The following MAGI2 variants were observed in gnomAD, a reference collection of about 807,000 sequenced individuals.
MAGI2 encodes the protein membrane associated guanylate kinase, WW and PDZ domain containing 2, also known as membrane-associated guanylate kinase, WW and PDZ domain-containing protein 2.
A neutral mutation model predicts 133.3 loss-of-function variants in MAGI2; 35 were observed. The observed-to-expected ratio is 0.26, with a 90% CI of 0.20 to 0.35. The LOEUF is 0.35. Among genes scored for constraint, MAGI2 ranks in the 10% least tolerant of loss-of-function variants. The pLI is 1.00. For missense variants in MAGI2, 1,636 were observed against 1,863.4 expected, an observed-to-expected ratio of 0.88 and a Z score of 2.25; for synonymous variants, 729 against 710.6, an observed-to-expected ratio of 1.03 and a Z score of -0.41.
intron 2 of MAGI2, among the ~76,000 whole-genome samples, chr7:78,678,569 AT>A (rs2151089485): frequency 6.6e-6 from 1 of 152,208 alleles, no homozygotes; most frequent in East Asian, 1.9e-4. Context: ...TGGTCATTTA[AT>A]TCCTTTAGTA....
At chr7:78,901,946 A>C (rs759397336) in intron 2 of MAGI2, among the ~76,000 whole-genome samples, 145 of 152,180 alleles carry the variant, frequency 9.5e-4, no homozygotes, top group Non-Finnish European at 1.7e-3. Context: ...AATTTCTTTT[A>C]CATCCCAGCA....
chr7:78,746,250 G>C (rs537491236), intron 2 of MAGI2, among the ~76,000 whole-genome samples: 6 of 152,280 alleles, frequency 3.9e-5, no homozygotes, highest in Admixed American at 3.9e-4. Flanking sequence ...CAGCTCTCAG[G>C]CAGAAACTGA....
chr7:79,180,072 A>C (rs1054782778), intron 1 of MAGI2, among the ~76,000 whole-genome samples: 1 of 152,032 alleles, frequency 6.6e-6, no homozygotes, highest in African/African-American at 2.4e-5. Context: ...CAACAGATGA[A>C]AGACAAATAG....
chr7:79,235,108 G>T (rs1045891538), intron 1 of MAGI2, among the ~76,000 whole-genome samples: 1 of 151,624 alleles, frequency 6.6e-6, no homozygotes, highest in Admixed American at 6.6e-5. Flanking sequence ...GGCTGCTCGG[G>T]GGTCAGGGGT....
chr7:79,133,682 T>G (rs926376494), intron 1 of MAGI2, among the ~76,000 whole-genome samples: 13 of 152,202 alleles, frequency 8.5e-5, no homozygotes, highest in Middle Eastern at 3.2e-3. Flanking sequence ...TATCCCATAA[T>G]ATAATACCAA....
chr7:79,391,508 C>CATATATAT lies in MAGI2; in HGVS notation c.301+61504_301+61511dup, dbSNP rs1286692402. On this transcript the variant is annotated intron_variant, in intron 1 of 21. Coordinates refer to ENST00000354212, the MANE Select transcript of MAGI2 (RefSeq NM_012301.4). The stretch of plus-strand genomic sequence containing the variant: ...TTTAACATATATATATATATATAGA[C>CATATATAT]ATATATATATATATATATATATATA... Among the ~76,000 whole-genome samples, 298 of 69,112 alleles carry CATATATAT rather than the reference C, an allele frequency of 4.3e-3. 1 individual carries two copies. Among genetic ancestry groups the CATATATAT allele is most frequent in the South Asian group, 7.4e-3 (14 of 1,904 alleles). 45.3% of individuals were successfully genotyped at this position (69,112 alleles called of 152,430 possible). A position where few individuals can be genotyped will look rare whatever the true frequency, so the allele number is the denominator to read the frequency against.
chr7:78,563,985 TA>T (rs1036207434), intron 3 of MAGI2, among the ~76,000 whole-genome samples: 4 of 152,204 alleles, frequency 2.6e-5, no homozygotes, highest in African/African-American at 7.2e-5. Context: ...TTTGAATAGG[TA>T]TTTTTTTTAA....
intron 1 of MAGI2, among the ~76,000 whole-genome samples, chr7:79,373,836 T>C (rs1468659780): frequency 6.6e-6 from 1 of 152,086 alleles, no homozygotes; most frequent in Non-Finnish European, 1.5e-5. Flanking sequence ...GAATTGACTA[T>C]GACCTAAAAA....
chr7:78,773,354 G>T (rs1466473012), intron 2 of MAGI2, among the ~76,000 whole-genome samples: 1 of 152,054 alleles, frequency 6.6e-6, no homozygotes, highest in East Asian at 1.9e-4. Context: ...ATATAAATTG[G>T]CAAAAACAGT....
intron 21 of MAGI2, among the ~76,000 whole-genome samples, chr7:78,052,581 C>T (rs948936716): frequency 4.6e-5 from 7 of 152,206 alleles, no homozygotes; most frequent in Non-Finnish European, 7.3e-5. Flanking sequence ...GCCAGGCATC[C>T]TGGACCATTG....
chr7:78,931,051 G>A lies in MAGI2; in HGVS notation c.418+76039C>T, dbSNP rs566959812. Among the ~76,000 whole-genome samples, 24 of 152,166 alleles carry A rather than the reference G, an allele frequency of 1.6e-4. No homozygotes were observed. In the South Asian group the frequency reaches 3.3e-3, roughly 21 times the overall value. On this transcript the variant is annotated intron_variant, in intron 2 of 21. Coordinates refer to ENST00000354212, the MANE Select transcript of MAGI2 (RefSeq NM_012301.4). ...AAAAAAGTGATCATGAAGAATTAAC[G>A]CAGAAGCAGTGACAGATTAGTTGGG...
chr7:78,314,269 C>T (rs569083328), intron 9 of MAGI2, among the ~76,000 whole-genome samples: 1 of 152,224 alleles, frequency 6.6e-6, no homozygotes, highest in African/African-American at 2.4e-5. Flanking sequence ...GGACACAATG[C>T]AGATTAAGTA....
intron 10 of MAGI2, among the ~76,000 whole-genome samples, chr7:78,230,010 T>C (rs1789800689): frequency 6.6e-6 from 1 of 152,230 alleles, no homozygotes; most frequent in African/African-American, 2.4e-5. Context: ...ACGTTAACTG[T>C]TAGTAAACTG....
chr7:78,670,662 C>T (rs984428606), intron 2 of MAGI2, among the ~76,000 whole-genome samples: 3 of 152,162 alleles, frequency 2.0e-5, no homozygotes, highest in African/African-American at 4.8e-5. Context: ...CGCTACCTGA[C>T]TTCAAACTCA....
At chr7:78,362,224 C>A (rs544282378) in intron 7 of MAGI2, among the ~76,000 whole-genome samples, 2 of 152,200 alleles carry the variant, frequency 1.3e-5, no homozygotes, top group African/African-American at 4.8e-5. Flanking sequence ...ATCGCTTGAA[C>A]CTGGGAGGCG....
chr7:78,596,184 G>GAGGGAGGGAGGGAGGGAAGGAATGAAGGA, intron 3 of MAGI2, among the ~76,000 whole-genome samples: 1 of 120,332 alleles, frequency 8.3e-6, no homozygotes, highest in Admixed American at 8.7e-5. Context: ...TGAAGGAAGG[G>GAGGGAGGGAGGGAGGGAAGGAATGAAGGA]AGGGAGGGAG....
At chr7:78,770,153 CTCTA>C (rs1825435385) in intron 2 of MAGI2, among the ~76,000 whole-genome samples, 1 of 152,192 alleles carries the variant, frequency 6.6e-6, no homozygotes, top group Non-Finnish European at 1.5e-5. Context: ...ACAAAAGACA[CTCTA>C]TCTGCACAGC....
In MAGI2 at chr7:79,131,933, A is replaced by G. The variant is rs117430484; in HGVS notation, c.302-124727T>C. Among the ~76,000 whole-genome samples the G allele has an allele frequency of 7.5e-3, 1,141 of 152,240 alleles. 14 individuals are homozygous for G. Among genetic ancestry groups the G allele is most frequent in the Non-Finnish European group, 0.013 (862 of 67,988 alleles). Reference sequence around the variant, plus strand: ...GCTCTCTTAAATTATATTTAGTATAATATTACTTAAATACGTGTAAACACA... The same window carrying G: ...GCTCTCTTAAATTATATTTAGTATAGTATTACTTAAATACGTGTAAACACA... On this transcript the variant is annotated intron_variant, in intron 1 of 21. Transcript: ENST00000354212.
intron 1 of MAGI2, among the ~76,000 whole-genome samples, chr7:79,385,551 T>G (rs1844113293): frequency 6.6e-6 from 1 of 150,432 alleles, no homozygotes; most frequent in Admixed American, 6.7e-5. Flanking sequence ...GAAAAATCTA[T>G]TTTCCTTACC....
Sources: gnomAD v4.1 joint callset for allele counts (sites outside exome capture counted in the v4.1 genomes callset) on GRCh38, gnomAD v4.1.1 for gene constraint, MANE v1.5 for transcripts, NCBI Gene and HGNC (gene_info 2026-07-23, HGNC 2026-07-21) for gene names.